Variants in NRG1 observed in about 807,000 individuals in gnomAD.
NRG1 encodes the protein pro-neuregulin-1, membrane-bound isoform.
In NRG1, 18 loss-of-function variants were observed where a neutral mutation model predicts 63.8. That is an observed-to-expected ratio of 0.28 (90% CI 0.19 to 0.42). The LOEUF (loss-of-function observed/expected upper bound fraction) is 0.42. Among genes scored for constraint, NRG1 ranks in the 10% least tolerant of loss-of-function variants. The pLI is 1.00. For synonymous variants in NRG1, 302 were observed against 301.3 expected, an observed-to-expected ratio of 1.00 and a Z score of -0.02; for missense variants, 762 against 814.7, an observed-to-expected ratio of 0.94 and a Z score of 0.79.
At chr8:32,268,590 C>G (rs935271313) in intron 1 of NRG1, among the ~76,000 whole-genome samples, 1 of 152,100 alleles carries the variant, frequency 6.6e-6, no homozygotes, top group Non-Finnish European at 1.5e-5. Flanking sequence ...TCCATGTGTC[C>G]ATACATGAGT....
At chr8:32,734,420 TTTTGTTGTATTTGTAGTA>T (rs1359945342) in intron 6 of NRG1, among the ~76,000 whole-genome samples, 2 of 152,134 alleles carry the variant, frequency 1.3e-5, no homozygotes, top group African/African-American at 4.8e-5. Context: ...AAGAACACAC[TTTTGTTGTATTTGTAGTA>T]TTTGTTGTAT....
At chr8:32,158,881 ACAT>A (rs1838479941) in intron 1 of NRG1, among the ~76,000 whole-genome samples, 1 of 152,072 alleles carries the variant, frequency 6.6e-6, no homozygotes, top group Non-Finnish European at 1.5e-5. Context: ...CTGCTTTGTC[ACAT>A]CATCCCGATG....
intron 1 of NRG1, among the ~76,000 whole-genome samples, chr8:32,233,189 C>A (rs576156072): frequency 2.5e-4 from 38 of 152,132 alleles, no homozygotes; most frequent in African/African-American, 8.4e-4. Flanking sequence ...GCAGCCTCAA[C>A]CTTCCAGGCT....
chr8:32,414,712 T>G (rs1244894937), intron 1 of NRG1, among the ~76,000 whole-genome samples: 2 of 152,190 alleles, frequency 1.3e-5, no homozygotes, highest in Non-Finnish European at 2.9e-5. Flanking sequence ...GTTTCAAACC[T>G]CTATTGCATT....
chr8:32,122,262 T>G (rs1833541660), intron 1 of NRG1, among the ~76,000 whole-genome samples: 3 of 151,796 alleles, frequency 2.0e-5, no homozygotes, highest in Admixed American at 2.0e-4. Context: ...GCTCTCTTGC[T>G]CTAAGCTACT....
At chr8:32,091,564 G>C (rs1358108537) in intron 1 of NRG1, among the ~76,000 whole-genome samples, 3 of 152,164 alleles carry the variant, frequency 2.0e-5, no homozygotes, top group Admixed American at 6.5e-5. Context: ...AGGCTGGTAT[G>C]CCAGGCTTTG....
At chr8:31,813,732 G>T (rs1413165918) in intron 1 of NRG1, among the ~76,000 whole-genome samples, 1 of 151,782 alleles carries the variant, frequency 6.6e-6, no homozygotes, top group South Asian at 2.1e-4. Flanking sequence ...TTGTCATGTT[G>T]TCCAGGCTGG....
At chr8:32,042,178 CT>C (rs559613280) in intron 1 of NRG1, among the ~76,000 whole-genome samples, 37 of 152,260 alleles carry the variant, frequency 2.4e-4, no homozygotes, top group South Asian at 1.7e-3. Flanking sequence ...AGCATGGTAG[CT>C]CATTCTTGTA....
At chr8:32,008,778 G>A (rs1432304715) in intron 1 of NRG1, among the ~76,000 whole-genome samples, 4 of 152,066 alleles carry the variant, frequency 2.6e-5, no homozygotes, top group African/African-American at 4.8e-5. Context: ...CTGATGAAAT[G>A]TCTTTTCTCT....
chr8:32,136,037 T>C (rs1368908987), intron 1 of NRG1, among the ~76,000 whole-genome samples: 1 of 152,100 alleles, frequency 6.6e-6, no homozygotes, highest in East Asian at 1.9e-4. Flanking sequence ...ATGAGGGTGG[T>C]GTAGGGAGAT....
chr8:31,725,292 C>T (rs1305846149), intron 1 of NRG1, among the ~76,000 whole-genome samples: 1 of 152,134 alleles, frequency 6.6e-6, no homozygotes, highest in African/African-American at 2.4e-5. Flanking sequence ...TCCAGGCTCT[C>T]TCTCTGATAC....
chr8:31,772,135 GTGTT>G, intron 1 of NRG1, among the ~76,000 whole-genome samples: 1 of 152,240 alleles, frequency 6.6e-6, no homozygotes. Flanking sequence ...TTGACTAACT[GTGTT>G]TGGGTTATTT....
chr8:32,088,271 C>T (rs1448966609), intron 1 of NRG1, among the ~76,000 whole-genome samples: 6 of 152,068 alleles, frequency 3.9e-5, no homozygotes, highest in African/African-American at 7.2e-5. Flanking sequence ...CGGGACCTTG[C>T]GTTTAATAAT....
chr8:32,135,595 T>C (rs144469229), intron 1 of NRG1, among the ~76,000 whole-genome samples: 153 of 152,122 alleles, frequency 1.0e-3, no homozygotes, highest in African/African-American at 3.4e-3. Context: ...ATGGGTGAGA[T>C]TGAGAGAAGG....
chr8:32,610,396 C>A (rs1185725974), intron 3 of NRG1, among the ~76,000 whole-genome samples: 2 of 152,104 alleles, frequency 1.3e-5, no homozygotes, highest in Admixed American at 6.6e-5. Context: ...CCCCAGATGA[C>A]CTTGCTGTTT....
At chr8:32,384,781 G>A (rs1227658550) in intron 1 of NRG1, among the ~76,000 whole-genome samples, 1 of 152,116 alleles carries the variant, frequency 6.6e-6, no homozygotes, top group Admixed American at 6.5e-5. Context: ...TTTTGCCTAC[G>A]TGTAAATCTT....
At position 32,723,688 on chromosome 8, in the gene NRG1, C is replaced by CAA. The variant is rs530225180; in HGVS notation, c.503-4232_503-4231dup. ...CTGGCAACAGAGCTAGACTCCATCT[C>CAA]AAAAAAAAAAAAAAAAAAAAAAAAA... is the stretch of plus-strand genomic sequence containing the variant. On this transcript the variant is annotated intron_variant, in intron 5 of 11. Coordinates refer to ENST00000356819, the Ensembl canonical transcript of NRG1. 5.9e-5 allele frequency among the ~76,000 whole-genome samples: 2 copies of CAA among 33,846 alleles called. 1 individual carries two copies. Among genetic ancestry groups the CAA allele is most frequent in the East Asian group, 3.2e-3 (2 of 634 alleles). The allele number at this position is 33,846 out of a possible 152,430, so 22.2% of individuals were successfully genotyped here.
chr8:32,066,916 T>G (rs899989299), intron 1 of NRG1, among the ~76,000 whole-genome samples: 3 of 151,972 alleles, frequency 2.0e-5, no homozygotes. Context: ...CCCTTGTAAG[T>G]TGGATTCCTA....
At chr8:32,371,925 G>A (rs187352620) in intron 1 of NRG1, among the ~76,000 whole-genome samples, 29 of 151,424 alleles carry the variant, frequency 1.9e-4, no homozygotes, top group Admixed American at 6.6e-5. Flanking sequence ...GTAGCTGAAC[G>A]CAATGAATTG....
Sources: allele counts gnomAD v4.1 joint callset (sites outside exome capture counted in the v4.1 genomes callset), GRCh38; gene constraint gnomAD v4.1.1; transcripts MANE v1.5; gene names NCBI Gene and HGNC (gene_info 2026-07-23, HGNC 2026-07-21).